The following CSMD1 variants were observed in gnomAD, a reference collection of about 807,000 sequenced individuals.
CSMD1 encodes the protein CUB and Sushi multiple domains 1.
Under a neutral mutation model 417.5 loss-of-function variants are expected in CSMD1, and 213 were observed. The ratio of observed to expected loss-of-function variants is 0.51; its 90% CI spans 0.46 to 0.57. The LOEUF is 0.57. CSMD1 is among the 20% of genes least tolerant of loss of function. The pLI is 0.00. For synonymous variants in CSMD1, 2,862 were observed against 1,736.8 expected, an observed-to-expected ratio of 1.65 and a Z score of -16.11; for missense variants, 6,923 against 4,529.7, an observed-to-expected ratio of 1.53 and a Z score of -15.17.
At chr8:3,948,003 C>G (rs1048903028) in intron 5 of CSMD1, among the ~76,000 whole-genome samples, 1 of 152,094 alleles carries the variant, frequency 6.6e-6, no homozygotes, top group Admixed American at 6.5e-5. Flanking sequence ...GTCAGGTGTT[C>G]GAGACCAGCC....
chr8:3,961,450 G>T (rs1242324826), intron 5 of CSMD1, among the ~76,000 whole-genome samples: 2 of 152,140 alleles, frequency 1.3e-5, no homozygotes, highest in Non-Finnish European at 2.9e-5. Context: ...CTTTGACACA[G>T]ATTTAAATTA....
chr8:4,817,118 T>C (rs1276210041), intron 1 of CSMD1, among the ~76,000 whole-genome samples: 2 of 152,226 alleles, frequency 1.3e-5, no homozygotes, highest in Non-Finnish European at 2.9e-5. Flanking sequence ...TCCATGTATC[T>C]GTATATAAAT....
At chr8:3,838,994 A>G (rs1379281872) in intron 5 of CSMD1, among the ~76,000 whole-genome samples, 6 of 126,298 alleles carry the variant, frequency 4.8e-5, no homozygotes, top group East Asian at 2.5e-4. Flanking sequence ...TATATCATAT[A>G]ATTATAATAT....
intron 26 of CSMD1, among the ~76,000 whole-genome samples, chr8:3,265,893 T>C (rs1283967537): frequency 6.6e-6 from 1 of 151,770 alleles, no homozygotes; most frequent in Non-Finnish European, 1.5e-5. Flanking sequence ...AGCTTCTCCA[T>C]CTCCTTGGAG....
intron 4 of CSMD1, among the ~76,000 whole-genome samples, chr8:4,011,019 TCTTC>T (rs1293637871): frequency 6.6e-6 from 1 of 152,188 alleles, no homozygotes; most frequent in Admixed American, 6.5e-5. Flanking sequence ...TTTCATGCCT[TCTTC>T]CTTCTAAAGC....
At chr8:4,870,791 T>C (rs1802691145) in intron 1 of CSMD1, among the ~76,000 whole-genome samples, 1 of 152,052 alleles carries the variant, frequency 6.6e-6, no homozygotes, top group Non-Finnish European at 1.5e-5. Flanking sequence ...CCTCGGAAAA[T>C]GCCACCGAGG....
chr8:4,610,907 G>T (rs1308416931), intron 2 of CSMD1, among the ~76,000 whole-genome samples: 1 of 152,160 alleles, frequency 6.6e-6, no homozygotes, highest in Non-Finnish European at 1.5e-5. Flanking sequence ...TGTCCATGAG[G>T]AGTTATAATG....
At chr8:3,362,954 G>A (rs1300560678) in intron 20 of CSMD1, among the ~76,000 whole-genome samples, 1 of 152,190 alleles carries the variant, frequency 6.6e-6, no homozygotes, top group Non-Finnish European at 1.5e-5. Flanking sequence ...ATCATGTCAA[G>A]CTCTTCAAAT....
chr8:4,742,487 C>T (rs1810686307), intron 1 of CSMD1, among the ~76,000 whole-genome samples: 1 of 152,002 alleles, frequency 6.6e-6, no homozygotes, highest in Non-Finnish European at 1.5e-5. Flanking sequence ...CATACACGCA[C>T]ACATACATAT....
intron 3 of CSMD1, among the ~76,000 whole-genome samples, chr8:4,177,185 G>A (rs145043484): frequency 0.014 from 2,082 of 152,198 alleles, 28 homozygotes; most frequent in Middle Eastern, 0.027. Context: ...TGGAAGTAAA[G>A]CTCTCCTCAG....
intron 10 of CSMD1, among the ~76,000 whole-genome samples, chr8:3,522,002 T>C (rs990709301): frequency 1.3e-5 from 2 of 152,214 alleles, no homozygotes; most frequent in African/African-American, 4.8e-5. Flanking sequence ...TAAACAAGTA[T>C]TTGCATTATC....
chr8:3,424,827 T>A (rs1170020031), intron 12 of CSMD1, among the ~76,000 whole-genome samples: 1 of 152,200 alleles, frequency 6.6e-6, no homozygotes, highest in African/African-American at 2.4e-5. Context: ...ATTGTTATCA[T>A]CATTCTATTT....
chr8:3,047,514 T>C (rs950651933), intron 50 of CSMD1, among the ~76,000 whole-genome samples: 3 of 152,154 alleles, frequency 2.0e-5, no homozygotes, highest in African/African-American at 4.8e-5. Context: ...GGGTTGCGAG[T>C]ACACAGCTCC....
intron 3 of CSMD1, among the ~76,000 whole-genome samples, chr8:4,312,154 C>A (rs1046644096): frequency 1.3e-5 from 2 of 152,002 alleles, no homozygotes; most frequent in African/African-American, 4.8e-5. Flanking sequence ...TTTACACACG[C>A]TTCCTACGTG....
chr8:3,899,760 G>A (rs1002326343), intron 5 of CSMD1, among the ~76,000 whole-genome samples: 4 of 152,176 alleles, frequency 2.6e-5, no homozygotes, highest in Non-Finnish European at 5.9e-5. Context: ...TGTATGACCA[G>A]CTTTCAGGGC....
At chr8:3,781,039 T>C (rs1799152038) in intron 5 of CSMD1, among the ~76,000 whole-genome samples, 1 of 152,130 alleles carries the variant, frequency 6.6e-6, no homozygotes, top group Non-Finnish European at 1.5e-5. Flanking sequence ...GAAACTGAAA[T>C]CTAAGCAAAG....
Position 3,189,890 on chromosome 8 carries a change from G to C in CSMD1, c.5398+22C>G, listed in dbSNP as rs767054973. On this transcript the variant is annotated intron_variant, in intron 34 of 69. Coordinates refer to ENST00000635120, the MANE Select transcript of CSMD1 (RefSeq NM_033225.6). ...CACCACCACAGAGTTCTGGCGGGCA[G>C]CCGCTTAGGGACACTGCTCACCCAC... 3.5e-5 allele frequency: 54 copies of C among 1,551,212 alleles called. No individual in the cohort carries two copies. In the South Asian group the frequency reaches 5.9e-4, roughly 17 times the overall value.
chr8:3,329,180 T>A (rs1806731091), intron 23 of CSMD1, among the ~76,000 whole-genome samples: 1 of 152,070 alleles, frequency 6.6e-6, no homozygotes, highest in African/African-American at 2.4e-5. Flanking sequence ...AAGAGGGCAT[T>A]GAAAAATGAC....
chr8:3,913,280 T>C (rs1808582914), intron 5 of CSMD1, among the ~76,000 whole-genome samples: 1 of 150,340 alleles, frequency 6.7e-6, no homozygotes, highest in Non-Finnish European at 1.5e-5. Context: ...CATGGGGAGG[T>C]TTTTGTCAAA....
Sources: gnomAD v4.1 joint callset for allele counts (sites outside exome capture counted in the v4.1 genomes callset) on GRCh38, gnomAD v4.1.1 for gene constraint, MANE v1.5 for transcripts, NCBI Gene and HGNC (gene_info 2026-07-23, HGNC 2026-07-21) for gene names.